The following KIAA0825 variants were observed in gnomAD, a reference collection of about 807,000 sequenced individuals.
The protein encoded by KIAA0825 is KIAA0825.
Under a neutral mutation model 147.6 loss-of-function variants are expected in KIAA0825, and 119 were observed. The observed-to-expected ratio is 0.81, with a 90% CI of 0.69 to 0.94. The LOEUF (loss-of-function observed/expected upper bound fraction) is 0.94, where lower values mean the gene tolerates loss of function less well. KIAA0825 is among the 40% of genes least tolerant of loss of function. KIAA0825 has a pLI of 0.00. For missense variants in KIAA0825, 1,381 were observed against 1,472.7 expected (o/e 0.94, Z 1.02); for synonymous variants, 470 against 518.1 (o/e 0.91, Z 1.26).
At position 94,552,009 on chromosome 5, in the gene KIAA0825, T is replaced by C. The variant is rs150251032; in HGVS notation, c.-1-14882A>G. ...TGGATCAAAGAACAAGACCCAACTATATACTGCCCACAAAAAAACTACCCT... is the reference window on the plus strand; with the variant it reads ...TGGATCAAAGAACAAGACCCAACTACATACTGCCCACAAAAAAACTACCCT... On this transcript the variant is annotated intron_variant, in intron 2 of 20. Transcript: ENST00000682413. Among the ~76,000 whole-genome samples the C allele has an allele frequency of 7.9e-5, 12 of 152,126 alleles. No individual in the cohort carries two copies. In the East Asian group the frequency reaches 1.5e-3, roughly 20 times the overall value.
At chr5:94,182,613 G>A (rs543433615) in intron 20 of KIAA0825, among the ~76,000 whole-genome samples, 22 of 151,706 alleles carry the variant, frequency 1.5e-4, no homozygotes, top group African/African-American at 2.2e-4. Context: ...CTCCAGTCTC[G>A]CCTCCTTCTT....
intron 20 of KIAA0825, among the ~76,000 whole-genome samples, chr5:94,238,010 A>G (rs1775147708): frequency 1.3e-5 from 2 of 152,336 alleles, no homozygotes; most frequent in African/African-American, 4.8e-5. Flanking sequence ...TGGCACACTT[A>G]AGATTTGTAC....
rs1286527352 is a variant in KIAA0825, at chr5:94,403,437, G to A, written c.2887+132C>T. 1.3e-4 allele frequency: 80 copies of A among 639,348 alleles called. No homozygotes were observed. The East Asian group carries it at 1.8e-3, about 14-fold the overall frequency. 39.6% of individuals were successfully genotyped at this position (639,348 alleles called of 1,614,324 possible). A position where few individuals can be genotyped will look rare whatever the true frequency, so the allele number is the denominator to read the frequency against. ...CATAGTAAAAATAAAAATAAGGGTC[G>A]CACATCTACTTAATGGAAGGAAGAT... On this transcript the variant is annotated intron_variant, in intron 16 of 20. Coordinates refer to ENST00000682413, the MANE Select transcript of KIAA0825 (RefSeq NM_001145678.3).
chr5:94,283,977 CGAA>C (rs1777564457), intron 20 of KIAA0825, among the ~76,000 whole-genome samples: 1 of 152,050 alleles, frequency 6.6e-6, no homozygotes, highest in South Asian at 2.1e-4. Context: ...ACACTGAATG[CGAA>C]GAAGTGATCA....
chr5:94,226,077 A>G (rs993426515), intron 20 of KIAA0825, among the ~76,000 whole-genome samples: 4 of 152,212 alleles, frequency 2.6e-5, no homozygotes, highest in African/African-American at 7.2e-5. Flanking sequence ...TGAACAGGCA[A>G]CCTACAGAAT....
At chr5:94,317,766 A>G (rs1393385823) in intron 20 of KIAA0825, among the ~76,000 whole-genome samples, 2 of 151,878 alleles carry the variant, frequency 1.3e-5, no homozygotes, top group Admixed American at 1.3e-4. Context: ...TGTGCTTTAA[A>G]ATATATGTAG....
At chr5:94,363,968 A>C (rs13189435) in intron 20 of KIAA0825, among the ~76,000 whole-genome samples, 39,973 of 151,928 alleles carry the variant, frequency 0.26, 6,047 homozygotes, top group Non-Finnish European at 0.36. Flanking sequence ...TCACTTCAAA[A>C]CAATAAATTT....
At chr5:94,263,484 T>C (rs1355141263) in intron 20 of KIAA0825, among the ~76,000 whole-genome samples, 1 of 152,148 alleles carries the variant, frequency 6.6e-6, no homozygotes, top group Admixed American at 6.6e-5. Flanking sequence ...TCCATATGCT[T>C]TCTACATTGG....
chr5:94,562,771 G>C (rs1160997717), intron 2 of KIAA0825, among the ~76,000 whole-genome samples: 1 of 152,180 alleles, frequency 6.6e-6, no homozygotes, highest in Non-Finnish European at 1.5e-5. Context: ...TAATTGAGAG[G>C]AAAGAACCTA....
At position 94,520,404 on chromosome 5, in the gene KIAA0825, C is replaced by T; in HGVS notation, c.814G>A (p.Val272Met). 6.2e-7 allele frequency: 1 copy of T among 1,612,692 alleles called. No individual in the cohort carries two copies. Among genetic ancestry groups the T allele is most frequent in the Non-Finnish European group, 8.5e-7 (1 of 1,178,872 alleles). Residue 272 changes from valine to methionine, a missense_variant, in exon 5 of 21, where the codon GTG (valine) becomes ATG (methionine). Physicochemically the swap from Val to Met is conservative, Grantham distance 21. Coordinates refer to ENST00000682413, the MANE Select transcript of KIAA0825 (RefSeq NM_001145678.3). ...LCEILAPSSM[V>M]KFIKETYLDT... ...AGGTAAGTTTCTTTAATGAATTTCA[C>T]CATTGAAGATGGAGCTAAAATTTCA... is the stretch of plus-strand genomic sequence containing the variant.
chr5:94,506,633 A>C (rs1301171118), intron 5 of KIAA0825, among the ~76,000 whole-genome samples: 1 of 152,248 alleles, frequency 6.6e-6, no homozygotes, highest in Non-Finnish European at 1.5e-5. Flanking sequence ...TTTCAATGGC[A>C]GGTTCTGATC....
At chr5:94,445,790 A>G (rs1352456402) in intron 13 of KIAA0825, among the ~76,000 whole-genome samples, 1 of 152,194 alleles carries the variant, frequency 6.6e-6, no homozygotes, top group East Asian at 1.9e-4. Context: ...TTTTAAAATA[A>G]CTGTTCCATA....
chr5:94,496,879 G>A (rs959852524), intron 5 of KIAA0825, among the ~76,000 whole-genome samples: 1 of 152,078 alleles, frequency 6.6e-6, no homozygotes, highest in African/African-American at 2.4e-5. Flanking sequence ...TTTGCAAGCC[G>A]CTGCGGTTTT....
chr5:94,524,467 C>T (rs1384528988), intron 3 of KIAA0825, among the ~76,000 whole-genome samples: 1 of 151,490 alleles, frequency 6.6e-6, no homozygotes, highest in Non-Finnish European at 1.5e-5. Flanking sequence ...ACATTATCTA[C>T]TAAGAGGTGA....
At chr5:94,300,912 G>A (rs1469824755) in intron 20 of KIAA0825, among the ~76,000 whole-genome samples, 1 of 152,152 alleles carries the variant, frequency 6.6e-6, no homozygotes, top group Admixed American at 6.6e-5. Context: ...TTGACGGATT[G>A]AGTCAGTACA....
At chr5:94,451,670 T>C (rs1294048126) in intron 13 of KIAA0825, among the ~76,000 whole-genome samples, 2 of 152,232 alleles carry the variant, frequency 1.3e-5, no homozygotes, top group Non-Finnish European at 2.9e-5. Context: ...CCCATTTCCA[T>C]GCTGATTTCC....
intron 1 of KIAA0825, among the ~76,000 whole-genome samples, chr5:94,599,217 C>T (rs1236348962): frequency 6.6e-6 from 1 of 151,796 alleles, no homozygotes; most frequent in Admixed American, 6.6e-5. Context: ...TTTGCATTTC[C>T]CTGATGACTA....
rs1753586267 is a variant in KIAA0825 at position 94,417,204 on chromosome 5, G to A, written c.2659C>T (p.Pro887Ser). The change falls in exon 15 of 21, where the codon CCA becomes TCA. Residue 887 changes from proline (P) to serine (S), a missense_variant. By Grantham distance (74) the Pro-to-Ser change is moderately conservative. Coordinates refer to ENST00000682413, the MANE Select transcript of KIAA0825 (RefSeq NM_001145678.3). ...ACAAACAGTAAATGTCTCATACCTG[G>A]GATGTTATATAAAAAGTCCCATAAT... Reference protein sequence around the residue: ...EQLWDFLYNIPVSTCVEYELE... With the variant: ...EQLWDFLYNISVSTCVEYELE... 1.3e-6 allele frequency: 2 copies of A among 1,550,064 alleles called. No homozygotes were observed. Among genetic ancestry groups the A allele is most frequent in the South Asian group, 1.2e-5 (1 of 84,022 alleles).
chr5:94,366,885 T>G (rs1745932266), intron 20 of KIAA0825, among the ~76,000 whole-genome samples: 1 of 152,232 alleles, frequency 6.6e-6, no homozygotes, highest in African/African-American at 2.4e-5. Flanking sequence ...TACTGTTGTG[T>G]CCGGTTTCTA....
Sources: gnomAD v4.1 joint callset for allele counts (sites outside exome capture counted in the v4.1 genomes callset) on GRCh38, gnomAD v4.1.1 for gene constraint, MANE v1.5 for transcripts, NCBI Gene and HGNC (gene_info 2026-07-23, HGNC 2026-07-21) for gene names.